OXR1: variants seen among roughly 807,000 people sequenced by gnomAD.
OXR1 encodes the protein oxidation resistance 1.
Under a neutral mutation model 104.6 loss-of-function variants are expected in OXR1, and 41 were observed. That is an observed-to-expected ratio of 0.39 (90% CI 0.31 to 0.51). OXR1 has a LOEUF of 0.51. OXR1 is among the 20% of genes least tolerant of loss of function. The pLI, the probability that OXR1 is intolerant of heterozygous loss-of-function variation, is 0.77. For missense variants in OXR1, 955 were observed against 1,031.9 expected (o/e 0.93, Z 1.02); for synonymous variants, 348 against 348.4 (o/e 1.00, Z 0.01).
At chr8:106,481,071 A>C (rs1260811298) in intron 2 of OXR1, among the ~76,000 whole-genome samples, 2 of 152,072 alleles carry the variant, frequency 1.3e-5, no homozygotes, top group Non-Finnish European at 2.9e-5. Flanking sequence ...GCTAGAACTA[A>C]GCAAGAATAA....
chr8:106,342,656 G>A (rs562557667), intron 1 of OXR1, among the ~76,000 whole-genome samples: 1 of 151,942 alleles, frequency 6.6e-6, no homozygotes, highest in African/African-American at 2.4e-5. Flanking sequence ...TAGTTCATCT[G>A]TGTGCAGCCC....
At chr8:106,489,882 T>C (rs930977898) in intron 2 of OXR1, among the ~76,000 whole-genome samples, 2 of 152,182 alleles carry the variant, frequency 1.3e-5, no homozygotes, top group Admixed American at 1.3e-4. Flanking sequence ...CATAACTTTT[T>C]TCCTGTACAT....
chr8:106,510,426 G>A (rs1020718752), intron 2 of OXR1, among the ~76,000 whole-genome samples: 9 of 152,074 alleles, frequency 5.9e-5, no homozygotes, highest in African/African-American at 2.2e-4. Context: ...ACTGATGCAA[G>A]AATTGGAATA....
At chr8:106,510,712 G>C (rs1033873298) in intron 2 of OXR1, among the ~76,000 whole-genome samples, 1 of 151,926 alleles carries the variant, frequency 6.6e-6, no homozygotes, top group Non-Finnish European at 1.5e-5. Flanking sequence ...TTTTTTGTTA[G>C]AATTTCTAGC....
intron 2 of OXR1, among the ~76,000 whole-genome samples, chr8:106,439,729 T>C (rs1819711374): frequency 6.6e-6 from 1 of 152,096 alleles, no homozygotes; most frequent in South Asian, 2.1e-4. Flanking sequence ...AGCAGAGCAT[T>C]TGTTTTCTTA....
intron 2 of OXR1, among the ~76,000 whole-genome samples, chr8:106,487,216 G>T (rs960356925): frequency 6.6e-6 from 1 of 151,416 alleles, no homozygotes; most frequent in Non-Finnish European, 1.5e-5. Context: ...TAGAGACGGG[G>T]TTTCACCATG....
At chr8:106,598,486 C>T (rs1394881338) in intron 3 of OXR1, among the ~76,000 whole-genome samples, 1 of 152,192 alleles carries the variant, frequency 6.6e-6, no homozygotes, top group Non-Finnish European at 1.5e-5. Context: ...GGCAATTTCA[C>T]AGTTCTGCGA....
At chr8:106,699,699 G>T (rs1361672396) in intron 7 of OXR1, among the ~76,000 whole-genome samples, 1 of 152,202 alleles carries the variant, frequency 6.6e-6, no homozygotes, top group Non-Finnish European at 1.5e-5. Flanking sequence ...GGAATGATCT[G>T]CAGCCTAGTG....
At chr8:106,591,408 AC>A (rs1444508466) in intron 3 of OXR1, among the ~76,000 whole-genome samples, 1 of 150,262 alleles carries the variant, frequency 6.7e-6, no homozygotes, top group African/African-American at 2.5e-5. Context: ...ACAAACGTGC[AC>A]GTTGTGCACA....
intron 3 of OXR1, among the ~76,000 whole-genome samples, chr8:106,596,700 C>T (rs1471911249): frequency 6.6e-6 from 1 of 152,022 alleles, no homozygotes; most frequent in East Asian, 1.9e-4. Flanking sequence ...CTTTCCCACT[C>T]CATAGAGTCA....
intron 3 of OXR1, among the ~76,000 whole-genome samples, chr8:106,628,352 C>T (rs1421770210): frequency 6.6e-6 from 1 of 152,156 alleles, no homozygotes; most frequent in Non-Finnish European, 1.5e-5. Context: ...CATATTCTCT[C>T]ATTTAATCTT....
intron 11 of OXR1, among the ~76,000 whole-genome samples, chr8:106,715,681 G>T (rs1054795678): frequency 1.3e-5 from 2 of 152,006 alleles, no homozygotes; most frequent in African/African-American, 4.8e-5. Flanking sequence ...GTGGCACGGT[G>T]GATGGCAGAA....
At chr8:106,512,257 T>G (rs1217325729) in intron 2 of OXR1, among the ~76,000 whole-genome samples, 3 of 152,170 alleles carry the variant, frequency 2.0e-5, no homozygotes, top group African/African-American at 7.2e-5. Context: ...AGTCCCCATG[T>G]CCATAGTCTT....
At chr8:106,604,523 T>C (rs529816055) in intron 3 of OXR1, among the ~76,000 whole-genome samples, 1 of 152,336 alleles carries the variant, frequency 6.6e-6, no homozygotes, top group Non-Finnish European at 1.5e-5. Flanking sequence ...TATTAAAGCT[T>C]GCAGCATTAA....
rs185706796 is a variant in OXR1, at chr8:106,420,170, G to C, written c.23+60534G>C. Among the ~76,000 whole-genome samples, 1,174 of 152,186 alleles carry C rather than the reference G, an allele frequency of 7.7e-3. 19 individuals carry two copies. The highest frequency in any genetic ancestry group is 0.027 in the African/African-American group (1,114 of 41,540). On this transcript the variant is annotated intron_variant, in intron 2 of 16. Transcript: ENST00000517566. ...AAGAAACTGACACTGAAGCAAAGCTGACGGTTTTAAATTACTTTTCTTTGA... is the reference window on the plus strand; with the variant it reads ...AAGAAACTGACACTGAAGCAAAGCTCACGGTTTTAAATTACTTTTCTTTGA...
intron 1 of OXR1, among the ~76,000 whole-genome samples, chr8:106,335,514 T>A (rs1305591984): frequency 1.3e-5 from 2 of 152,178 alleles, no homozygotes; most frequent in African/African-American, 4.8e-5. Flanking sequence ...TACTCAGACA[T>A]TTCTCCATGG....
At chr8:106,742,133 T>C (rs1259178602) in intron 14 of OXR1, 89 bp from the exon 15 acceptor site, 1 of 773,592 alleles carries the variant, frequency 1.3e-6, no homozygotes, top group African/African-American at 1.8e-5. Context: ...TTCTATTTTT[T>C]GCATTTTATT....
chr8:106,503,590 G>A (rs1811952953), intron 2 of OXR1, among the ~76,000 whole-genome samples: 1 of 152,170 alleles, frequency 6.6e-6, no homozygotes, highest in Non-Finnish European at 1.5e-5. Context: ...AAACCAAAGA[G>A]CTTGGGGGAA....
intron 10 of OXR1, among the ~76,000 whole-genome samples, chr8:106,712,910 T>C (rs1831843480): frequency 6.6e-6 from 1 of 152,024 alleles, no homozygotes; most frequent in Non-Finnish European, 1.5e-5. Flanking sequence ...GAATTCCCTA[T>C]TTTAATATTC....
Sources: allele counts gnomAD v4.1 joint callset (sites outside exome capture counted in the v4.1 genomes callset), GRCh38; gene constraint gnomAD v4.1.1; transcripts MANE v1.5; gene names NCBI Gene and HGNC (gene_info 2026-07-23, HGNC 2026-07-21).